The following EBPL variants were observed in gnomAD, a reference collection of about 807,000 sequenced individuals.
EBPL encodes the protein EBP like, also known as emopamil-binding protein-like.
EBPL carries 20 observed loss-of-function variants against 19.0 expected under a neutral mutation model. The observed-to-expected ratio is 1.05, with a 90% confidence interval of 0.74 to 1.53. The LOEUF (loss-of-function observed/expected upper bound fraction) is 1.53, where lower values mean the gene tolerates loss of function less well. EBPL is among the 40% of genes most tolerant of loss of function. The pLI, the probability that EBPL is intolerant of heterozygous loss-of-function variation, is 0.00. For synonymous variants in EBPL, 107 were observed against 117.0 expected, an observed-to-expected ratio of 0.91 and a Z score of 0.55; for missense variants, 219 against 261.1, an observed-to-expected ratio of 0.84 and a Z score of 1.11.
rs369149464 is a variant in EBPL, at chr13:49,691,260, G to A, written c.165C>T (p.Phe55=). 4 of 1,390,800 alleles carry A rather than the reference G, an allele frequency of 2.9e-6. No homozygotes were observed. Among genetic ancestry groups the A allele is most frequent in the African/African-American group, 1.5e-5 (1 of 67,172 alleles). The allele number at this position is 1,390,800 out of a possible 1,614,324, so 86.2% of individuals were successfully genotyped here. The change falls in exon 1 of 4, where the codon TTC becomes TTT. Residue 55 remains phenylalanine, a synonymous_variant. Transcript: ENST00000242827. The part of the protein sequence containing the change: ...IWLCYDALVH[F]ALEGPFVYLS... ...TCTAGGCGATGGCACTTACCAGCGC[G>A]AAGTGCACCAGCGCGTCGTAGCAGA... is the stretch of plus-strand genomic sequence containing the variant.
chr13:49,689,538 G>A (rs745550187), intron 1 of EBPL, among the ~76,000 whole-genome samples: 13 of 152,086 alleles, frequency 8.5e-5, no homozygotes, highest in Non-Finnish European at 1.8e-4. Flanking sequence ...TAGTACAGAC[G>A]GGGTTTCACC....
At chr13:49,688,532 A>G (rs1202046738) in intron 1 of EBPL, among the ~76,000 whole-genome samples, 1 of 152,082 alleles carries the variant, frequency 6.6e-6, no homozygotes, top group African/African-American at 2.4e-5. Flanking sequence ...ATCCTGGCTA[A>G]TATGGTGAAA....
intron 1 of EBPL, among the ~76,000 whole-genome samples, chr13:49,675,926 C>A (rs79050840): frequency 0.021 from 3,132 of 150,868 alleles, 42 homozygotes; most frequent in South Asian, 0.029. Context: ...GAAGGAGTAT[C>A]TCACTGTGGT....
chr13:49,679,111 C>T (rs1953915191), intron 1 of EBPL, among the ~76,000 whole-genome samples: 1 of 152,026 alleles, frequency 6.6e-6, no homozygotes, highest in African/African-American at 2.4e-5. Flanking sequence ...ATTTGCCAGG[C>T]ACCAAAATTA....
intron 1 of EBPL, 90 bp downstream of exon 1, chr13:49,691,164 A>C: frequency 8.6e-7 from 1 of 1,159,602 alleles, no homozygotes; most frequent in Non-Finnish European, 1.1e-6. Context: ...AGCTCGCTGC[A>C]AAAAGCCGCA....
At chr13:49,670,314 A>G (rs1016587943) in intron 1 of EBPL, among the ~76,000 whole-genome samples, 11 of 152,150 alleles carry the variant, frequency 7.2e-5, no homozygotes, top group Admixed American at 2.6e-4. Context: ...CTTCTCCTAT[A>G]TAAGGGCAAG....
At chr13:49,670,978 G>A (rs1448638609) in intron 1 of EBPL, among the ~76,000 whole-genome samples, 1 of 152,114 alleles carries the variant, frequency 6.6e-6, no homozygotes. Context: ...TGTTTTATCT[G>A]TAACTGGATT....
intron 1 of EBPL, among the ~76,000 whole-genome samples, chr13:49,671,554 C>T (rs889764996): frequency 6.6e-6 from 1 of 152,162 alleles, no homozygotes; most frequent in African/African-American, 2.4e-5. Context: ...TTTTTACCAG[C>T]CAATTTTTTA....
At chr13:49,683,511 A>T (rs1173325464) in intron 1 of EBPL, among the ~76,000 whole-genome samples, 3 of 151,562 alleles carry the variant, frequency 2.0e-5, no homozygotes, top group Non-Finnish European at 4.4e-5. Context: ...CCTGGACCAG[A>T]GAGCGAGACT....
chr13:49,676,565 C>G (rs1005474957), intron 1 of EBPL, among the ~76,000 whole-genome samples: 2 of 151,746 alleles, frequency 1.3e-5, no homozygotes, highest in African/African-American at 4.8e-5. Context: ...GCACTCCAGC[C>G]TGGGCGACAG....
intron 2 of EBPL, 63 bp downstream of exon 2, chr13:49,669,714 G>A (rs1953789586): frequency 3.5e-6 from 5 of 1,416,130 alleles, no homozygotes; most frequent in Non-Finnish European, 4.0e-6. Flanking sequence ...AGAGGCGTTT[G>A]ACAGTCACAC....
intron 1 of EBPL, among the ~76,000 whole-genome samples, chr13:49,689,392 C>T (rs1954035740): frequency 6.6e-6 from 1 of 152,144 alleles, no homozygotes; most frequent in Non-Finnish European, 1.5e-5. Flanking sequence ...CTCTGTTGCC[C>T]AGGCTGGAGT....
At chr13:49,663,259 A>T (rs887349635) in intron 2 of EBPL, 64 bp from the exon 3 acceptor site, 2 of 1,589,650 alleles carry the variant, frequency 1.3e-6, no homozygotes, top group African/African-American at 2.7e-5. Flanking sequence ...CATGGAAATG[A>T]CCTTTCTTTC....
chr13:49,689,753 G>C (rs779393204), intron 1 of EBPL, among the ~76,000 whole-genome samples: 3 of 152,080 alleles, frequency 2.0e-5, no homozygotes, highest in Non-Finnish European at 4.4e-5. Context: ...TTTTTGTTAT[G>C]TTATACATTT....
At chr13:49,671,158 A>G (rs1594408317) in intron 1 of EBPL, among the ~76,000 whole-genome samples, 1 of 152,130 alleles carries the variant, frequency 6.6e-6, no homozygotes, top group East Asian at 1.9e-4. Flanking sequence ...TTTCTGAGAT[A>G]GTCTCACTCT....
At chr13:49,690,763 T>C (rs1954053829) in intron 1 of EBPL, among the ~76,000 whole-genome samples, 1 of 152,194 alleles carries the variant, frequency 6.6e-6, no homozygotes, top group Non-Finnish European at 1.5e-5. Flanking sequence ...TGTAAAGATC[T>C]GAAATTTTAA....
chr13:49,688,581 T>C (rs1194584872), intron 1 of EBPL, among the ~76,000 whole-genome samples: 1 of 151,438 alleles, frequency 6.6e-6, no homozygotes, highest in Non-Finnish European at 1.5e-5. Context: ...TAGCCGGGCG[T>C]GGTGGCGGGT....
intron 2 of EBPL, among the ~76,000 whole-genome samples, chr13:49,664,002 A>C (rs1287837378): frequency 6.6e-6 from 1 of 152,158 alleles, no homozygotes; most frequent in Non-Finnish European, 1.5e-5. Context: ...CTGTAATCCC[A>C]GCACTTTGGG....
chr13:49,673,220 C>T (rs957478419), intron 1 of EBPL, among the ~76,000 whole-genome samples: 3 of 152,032 alleles, frequency 2.0e-5, no homozygotes, highest in Admixed American at 2.0e-4. Context: ...CTAAAAAAAA[C>T]CAGAGTTTGG....
Sources: allele counts gnomAD v4.1 joint callset (sites outside exome capture counted in the v4.1 genomes callset), GRCh38; gene constraint gnomAD v4.1.1; transcripts MANE v1.5; gene names NCBI Gene and HGNC (gene_info 2026-07-23, HGNC 2026-07-21).